Variants in KLHL29 observed in about 807,000 individuals in gnomAD.
KLHL29 encodes kelch-like protein 29.
KLHL29 carries 21 observed loss-of-function variants against 80.4 expected under a neutral mutation model. The observed-to-expected ratio is 0.26, with a 90% CI of 0.19 to 0.38. KLHL29 has a LOEUF of 0.38. Among genes scored for constraint, KLHL29 ranks in the 10% least tolerant of loss-of-function variants. The pLI, the probability that KLHL29 is intolerant of heterozygous loss-of-function variation, is 1.00. For synonymous variants in KLHL29, 511 were observed against 526.8 expected, an observed-to-expected ratio of 0.97 and a Z score of 0.41; for missense variants, 867 against 1,223.9, an observed-to-expected ratio of 0.71 and a Z score of 4.35.
At chr2:23,495,492 A>G (rs10167691) in intron 2 of KLHL29, among the ~76,000 whole-genome samples, 2,788 of 152,300 alleles carry the variant, frequency 0.018, 76 homozygotes, top group South Asian at 0.058. Context: ...CACTTAAACC[A>G]GTACAATACT....
intron 5 of KLHL29, among the ~76,000 whole-genome samples, chr2:23,676,616 C>A (rs1348546607): frequency 6.6e-6 from 1 of 152,166 alleles, no homozygotes; most frequent in Non-Finnish European, 1.5e-5. Context: ...CATGGCGAGA[C>A]CCTGTCTCTA....
At chr2:23,611,504 G>C (rs946344700) in intron 3 of KLHL29, among the ~76,000 whole-genome samples, 10 of 152,220 alleles carry the variant, frequency 6.6e-5, no homozygotes, top group Admixed American at 3.3e-4. Context: ...CGTATTACTA[G>C]TATCCCTAGG....
At chr2:23,444,971 T>A (rs1174677735) in intron 1 of KLHL29, among the ~76,000 whole-genome samples, 1 of 152,220 alleles carries the variant, frequency 6.6e-6, no homozygotes, top group East Asian at 1.9e-4. Flanking sequence ...ATATAGCAGG[T>A]CCTCAATGTC....
chr2:23,509,852 TA>T (rs1665716592), intron 2 of KLHL29, among the ~76,000 whole-genome samples: 1 of 152,186 alleles, frequency 6.6e-6, no homozygotes, highest in East Asian at 1.9e-4. Flanking sequence ...AGCTGAATTT[TA>T]TTAACTGTTT....
intron 3 of KLHL29, among the ~76,000 whole-genome samples, chr2:23,635,189 T>C (rs1298135633): frequency 6.6e-6 from 1 of 152,160 alleles, no homozygotes; most frequent in Non-Finnish European, 1.5e-5. Flanking sequence ...CAAAAGCCTC[T>C]CGGGGCTGTG....
intron 2 of KLHL29, among the ~76,000 whole-genome samples, chr2:23,548,268 C>G (rs914883708): frequency 6.6e-6 from 1 of 151,862 alleles, no homozygotes; most frequent in Non-Finnish European, 1.5e-5. Context: ...CACAGGCACC[C>G]AGACACACAG....
rs191820463 is a variant in KLHL29 at position 23,642,499 on chromosome 2, C to G, written c.589C>G (p.Leu197Val). The G allele has an allele frequency of 1.3e-3, 1,927 of 1,519,904 alleles. 29 individuals are homozygous for G. In the Admixed American group the frequency reaches 0.023, roughly 18 times the overall value. The allele number at this position is 1,519,904 out of a possible 1,614,324, so 94.2% of individuals were successfully genotyped here. A position where few individuals can be genotyped will look rare whatever the true frequency, so the allele number is the denominator to read the frequency against. ...PSLPPHVGPQ[L>V]PLMPGHYSLP... ...ACTGCCTCCCCACGTGGGGCCCCAG[C>G]TCCCGCTGATGCCAGGCCACTACTC... Residue 197 changes from leucine to valine, a missense_variant, in exon 5 of 14, where the codon CTC (leucine) becomes GTC (valine). By Grantham distance (32) the Leu-to-Val change is conservative (BLOSUM62 1). Around this residue, in one of 2 missense-constraint regions of KLHL29, gnomAD observed 424 missense variants for 456.9 expected, o/e 0.93. Transcript: ENST00000486442.
chr2:23,610,216 T>C (rs1668824774), intron 3 of KLHL29, among the ~76,000 whole-genome samples: 1 of 152,172 alleles, frequency 6.6e-6, no homozygotes, highest in Non-Finnish European at 1.5e-5. Flanking sequence ...CTGCTGGGTC[T>C]GTTGGGCCCA....
At chr2:23,579,369 G>T (rs1430530539) in intron 3 of KLHL29, among the ~76,000 whole-genome samples, 1 of 152,154 alleles carries the variant, frequency 6.6e-6, no homozygotes, top group Non-Finnish European at 1.5e-5. Context: ...CTGCCCTTAG[G>T]TATCTGCCAG....
At chr2:23,524,163 C>T (rs150632951) in intron 2 of KLHL29, 123 of 407,894 alleles carry the variant, frequency 3.0e-4, no homozygotes, top group Admixed American at 2.7e-3. Flanking sequence ...GATGCTGGAG[C>T]GGGGGATGAC....
At chr2:23,558,090 C>T (rs1259713670) in intron 2 of KLHL29, among the ~76,000 whole-genome samples, 1 of 152,200 alleles carries the variant, frequency 6.6e-6, no homozygotes, top group African/African-American at 2.4e-5. Flanking sequence ...CCATCACCTC[C>T]CCACCCATCC....
intron 1 of KLHL29, among the ~76,000 whole-genome samples, chr2:23,394,404 T>G (rs1241703870): frequency 6.6e-6 from 1 of 152,164 alleles, no homozygotes; most frequent in African/African-American, 2.4e-5. Context: ...GCATCTCATT[T>G]TTGCTCACCC....
At chr2:23,455,849 C>T (rs908672949) in intron 1 of KLHL29, among the ~76,000 whole-genome samples, 9 of 152,132 alleles carry the variant, frequency 5.9e-5, no homozygotes, top group African/African-American at 1.4e-4. Flanking sequence ...CCCTAATTCC[C>T]AATCCCTCAG....
chr2:23,567,510 G>T (rs968157233), intron 3 of KLHL29, among the ~76,000 whole-genome samples: 1 of 152,212 alleles, frequency 6.6e-6, no homozygotes, highest in East Asian at 1.9e-4. Context: ...AGCATTTAGG[G>T]CTATCGGGGT....
At chr2:23,579,006 C>T (rs1295175810) in intron 3 of KLHL29, among the ~76,000 whole-genome samples, 1 of 152,240 alleles carries the variant, frequency 6.6e-6, no homozygotes, top group East Asian at 1.9e-4. Context: ...CTGATGTTCT[C>T]AAGCCCAGAA....
rs1558402673 is a variant in KLHL29 at position 23,597,307 on chromosome 2, ATATGTGTGTGTGTGTG to A, written c.285+34828_285+34843del. On this transcript the variant is annotated intron_variant, in intron 3 of 13. Coordinates refer to ENST00000486442, the MANE Select transcript of KLHL29 (RefSeq NM_052920.2). ...ATCTCTCTCTCTCTCATATATATAT[ATATGTGTGTGTGTGTG>A]TGTGTGTGTGTGTGTGTGTGTGTAT... is the stretch of plus-strand genomic sequence containing the variant. Among the ~76,000 whole-genome samples, 36 of 106,642 alleles carry A rather than the reference ATATGTGTGTGTGTGTG, an allele frequency of 3.4e-4. 1 individual carries two copies. The highest frequency in any genetic ancestry group is 5.7e-4 in the Non-Finnish European group (33 of 57,474). The allele number at this position is 106,642 out of a possible 152,430, so 70.0% of individuals were successfully genotyped here.
At chr2:23,428,958 C>T (rs1663083669) in intron 1 of KLHL29, among the ~76,000 whole-genome samples, 1 of 152,192 alleles carries the variant, frequency 6.6e-6, no homozygotes, top group African/African-American at 2.4e-5. Context: ...AGGCTGGACT[C>T]TGGGTTCTCA....
intron 2 of KLHL29, chr2:23,507,110 C>T (rs758784030): frequency 3.5e-5 from 16 of 451,750 alleles, no homozygotes; most frequent in Non-Finnish European, 5.2e-5. Flanking sequence ...GGCTCAACAT[C>T]GCTGCCTGGG....
intron 1 of KLHL29, among the ~76,000 whole-genome samples, chr2:23,419,649 G>A (rs182195381): frequency 2.0e-5 from 3 of 152,150 alleles, no homozygotes; most frequent in South Asian, 2.1e-4. Flanking sequence ...GAAAAATGTC[G>A]AGCGGAATGA....
Sources: gnomAD v4.1 joint callset for allele counts (sites outside exome capture counted in the v4.1 genomes callset) on GRCh38, gnomAD v4.1.1 for gene constraint, gnomAD v4.1.1 regional missense constraint, MANE v1.5 for transcripts, NCBI Gene and HGNC (gene_info 2026-07-23, HGNC 2026-07-21) for gene names.